The following CDKAL1 variants were observed in gnomAD, a reference collection of about 807,000 sequenced individuals.
CDKAL1 encodes threonylcarbamoyladenosine tRNA methylthiotransferase.
A neutral mutation model predicts 68.2 loss-of-function variants in CDKAL1; 32 were observed. That is an observed-to-expected ratio of 0.47 (90% CI 0.35 to 0.63). The LOEUF is 0.63. Ranked by LOEUF, CDKAL1 falls within the 30% of genes least tolerant of loss-of-function variation. The pLI is 0.00. For synonymous variants in CDKAL1, 234 were observed against 244.3 expected, an observed-to-expected ratio of 0.96 and a Z score of 0.39; for missense variants, 606 against 696.7, an observed-to-expected ratio of 0.87 and a Z score of 1.47.
chr6:20,812,541 C>T (rs1776865382), intron 8 of CDKAL1, among the ~76,000 whole-genome samples: 3 of 152,164 alleles, frequency 2.0e-5, no homozygotes, highest in Admixed American at 2.0e-4. Flanking sequence ...ACTCATTCTT[C>T]TCTGCATCCC....
At chr6:20,624,379 T>C (rs58640138) in intron 4 of CDKAL1, among the ~76,000 whole-genome samples, 1 of 139,652 alleles carries the variant, frequency 7.2e-6, no homozygotes, top group African/African-American at 2.6e-5. Flanking sequence ...TTAAGTTTTT[T>C]CCCCCCTTTC....
chr6:20,871,017 G>A (rs114256047), intron 9 of CDKAL1, among the ~76,000 whole-genome samples: 1,743 of 152,176 alleles, frequency 0.011, 29 homozygotes, highest in African/African-American at 0.039. Context: ...CTAATACTGC[G>A]CATTCCTCAA....
At chr6:20,759,968 T>C (rs188615564) in intron 7 of CDKAL1, among the ~76,000 whole-genome samples, 1 of 152,280 alleles carries the variant, frequency 6.6e-6, no homozygotes, top group East Asian at 1.9e-4. Context: ...GAAATTTTAA[T>C]GCTGCACTTT....
chr6:20,844,460 G>A (rs1183721313), intron 8 of CDKAL1, among the ~76,000 whole-genome samples: 1 of 152,064 alleles, frequency 6.6e-6, no homozygotes, highest in Admixed American at 6.6e-5. Flanking sequence ...ACATGGCCTT[G>A]AGCAGGCTAC....
intron 13 of CDKAL1, among the ~76,000 whole-genome samples, chr6:21,166,278 T>G (rs944009461): frequency 1.3e-5 from 2 of 152,024 alleles, no homozygotes; most frequent in African/African-American, 4.8e-5. Context: ...CGTGAAAGAG[T>G]GCAGAGAGGT....
Position 21,155,781 on chromosome 6 carries a change from G to T in CDKAL1, c.1300-42240G>T, listed in dbSNP as rs59596472. ...GAAATTTCATAAAATCTGTGAGAAG[G>T]GCAGCCTGACAGTGTGTGTCCAGGC... is the stretch of plus-strand genomic sequence containing the variant. On this transcript the variant is annotated intron_variant, in intron 13 of 15. Coordinates refer to ENST00000274695, the MANE Select transcript of CDKAL1 (RefSeq NM_017774.3). Among the ~76,000 whole-genome samples the T allele has an allele frequency of 3.3e-5, 5 of 152,104 alleles. No individual in the cohort carries two copies. In the East Asian group the frequency reaches 9.7e-4, roughly 29 times the overall value.
At chr6:20,800,990 T>C (rs918390553) in intron 8 of CDKAL1, among the ~76,000 whole-genome samples, 1 of 152,204 alleles carries the variant, frequency 6.6e-6, no homozygotes, top group Non-Finnish European at 1.5e-5. Context: ...CTTTCAAGGC[T>C]CACTGCAGGC....
At chr6:20,959,129 G>T in intron 10 of CDKAL1, among the ~76,000 whole-genome samples, 1 of 152,130 alleles carries the variant, frequency 6.6e-6, no homozygotes, top group Non-Finnish European at 1.5e-5. Flanking sequence ...GAATACATGT[G>T]TACTGAATAA....
chr6:21,180,804 G>A (rs182767689), intron 13 of CDKAL1, among the ~76,000 whole-genome samples: 11 of 152,158 alleles, frequency 7.2e-5, no homozygotes, highest in Admixed American at 1.3e-4. Context: ...GTTTATATCT[G>A]AGTTTCATTT....
At chr6:21,074,686 T>C (rs1038704959) in intron 12 of CDKAL1, among the ~76,000 whole-genome samples, 2 of 152,220 alleles carry the variant, frequency 1.3e-5, no homozygotes. Context: ...AAATTAATAA[T>C]TGTCTACTCT....
chr6:20,944,430 C>T (rs980799015), intron 9 of CDKAL1, among the ~76,000 whole-genome samples: 5 of 152,250 alleles, frequency 3.3e-5, no homozygotes, highest in African/African-American at 4.8e-5. Context: ...TCACTGCAAC[C>T]TCCACCTCCC....
At position 21,129,973 on chromosome 6, in the gene CDKAL1, T is replaced by C. The variant is rs554542023; in HGVS notation, c.1299+21510T>C. On this transcript the variant is annotated intron_variant, in intron 13 of 15. Transcript: ENST00000274695. ...GAAGGCCCACATGCAATTGGCTAGT[T>C]AATAATAAAATGAAACCTTGAAATT... is the stretch of plus-strand genomic sequence containing the variant. 7.0e-4 allele frequency among the ~76,000 whole-genome samples: 106 copies of C among 152,232 alleles called. 1 individual carries two copies. The South Asian group carries it at 0.018, about 26-fold the overall frequency.
At chr6:21,150,094 G>A (rs988662892) in intron 13 of CDKAL1, among the ~76,000 whole-genome samples, 1 of 152,062 alleles carries the variant, frequency 6.6e-6, no homozygotes, top group Non-Finnish European at 1.5e-5. Flanking sequence ...TCCTGACCTT[G>A]TGATCCGCCC....
intron 9 of CDKAL1, among the ~76,000 whole-genome samples, chr6:20,944,901 A>C (rs544160699): frequency 6.6e-6 from 1 of 152,256 alleles, no homozygotes; most frequent in African/African-American, 2.4e-5. Flanking sequence ...CTGGTTATTA[A>C]ATTCTTGCTA....
intron 11 of CDKAL1, among the ~76,000 whole-genome samples, chr6:21,002,881 T>TG (rs1195824120): frequency 1.3e-5 from 2 of 152,042 alleles, no homozygotes; most frequent in East Asian, 3.9e-4. Flanking sequence ...CCCAACTACT[T>TG]GGGAGGCTGA....
intron 4 of CDKAL1, among the ~76,000 whole-genome samples, chr6:20,586,619 C>T (rs537446951): frequency 2.6e-5 from 4 of 152,230 alleles, no homozygotes; most frequent in Admixed American, 6.5e-5. Context: ...GCCTGGGTGA[C>T]GAGTGAAACT....
intron 13 of CDKAL1, among the ~76,000 whole-genome samples, chr6:21,119,024 AC>A (rs1774570164): frequency 6.6e-6 from 1 of 152,076 alleles, no homozygotes; most frequent in African/African-American, 2.4e-5. Context: ...ATTCTTATGG[AC>A]ACTTTCATTT....
chr6:21,131,784 A>G (rs904979632), intron 13 of CDKAL1, among the ~76,000 whole-genome samples: 5 of 151,028 alleles, frequency 3.3e-5, no homozygotes, highest in African/African-American at 1.2e-4. Flanking sequence ...TGCATTAGTG[A>G]AATGTTTTTA....
At chr6:20,774,084 C>G (rs974216101) in intron 7 of CDKAL1, among the ~76,000 whole-genome samples, 1 of 152,120 alleles carries the variant, frequency 6.6e-6, no homozygotes, top group African/African-American at 2.4e-5. Flanking sequence ...GGCATGAGTC[C>G]TCTCTGGTGG....
Sources: gnomAD v4.1 joint callset for allele counts (sites outside exome capture counted in the v4.1 genomes callset) on GRCh38, gnomAD v4.1.1 for gene constraint, MANE v1.5 for transcripts, NCBI Gene and HGNC (gene_info 2026-07-23, HGNC 2026-07-21) for gene names.